Variants in ZNF473 observed in about 807,000 individuals in gnomAD.
The protein encoded by ZNF473 is zinc finger protein 100 homolog.
ZNF473 carries 4 observed loss-of-function variants against 11.1 expected under a neutral mutation model. The ratio of observed to expected loss-of-function variants is 0.36; its 90% confidence interval spans 0.18 to 0.82. The LOEUF (loss-of-function observed/expected upper bound fraction) is 0.82, where lower values mean the gene tolerates loss of function less well. Among genes scored for constraint, ZNF473 ranks in the 40% least tolerant of loss-of-function variants. ZNF473 has a pLI of 0.49. For synonymous variants in ZNF473, 404 were observed against 390.4 expected, an observed-to-expected ratio of 1.03 and a Z score of -0.41; for missense variants, 854 against 1,084.0, an observed-to-expected ratio of 0.79 and a Z score of 2.98.
rs745576637 is a variant in ZNF473 at position 50,039,264 on chromosome 19, A to C, written c.113A>C (p.Asn38Thr). ...GDTFWDTALDNCQDLFLLDPP... is the reference protein window; with the variant it reads ...GDTFWDTALDTCQDLFLLDPP... ...ACGTTCTGGGACACAGCGTTGGACAATTGCCAGGACCTCTTCCTGCTGGGT... is the reference window on the plus strand; with the variant it reads ...ACGTTCTGGGACACAGCGTTGGACACTTGCCAGGACCTCTTCCTGCTGGGT... The change falls in exon 3 of 5, where the codon AAT (asparagine) becomes ACT (threonine). Residue 38 changes from asparagine (N) to threonine (T), a missense_variant. Asn to Thr is a moderately conservative substitution (Grantham distance 65). Around this residue, in one of 2 missense-constraint regions of ZNF473, gnomAD observed 668 missense variants for 790.2 expected, o/e 0.85. Transcript: ENST00000270617. The surrounding 1 kb of genome is among the most constrained non-coding windows in gnomAD (Gnocchi z 4.8). 1.5e-5 allele frequency: 24 copies of C among 1,613,952 alleles called. No individual in the cohort carries two copies. The highest frequency in any genetic ancestry group is 1.9e-5 in the Non-Finnish European group (22 of 1,179,976).
Position 50,039,213 on chromosome 19 carries a change from A to G in ZNF473, c.62A>G (p.Glu21Gly). 1 of 1,614,144 alleles carries G rather than the reference A, an allele frequency of 6.2e-7. No homozygotes were observed. The highest frequency in any genetic ancestry group is 1.3e-5 in the African/African-American group (1 of 75,042). Reference protein sequence around the residue: ...VGMDFTLGDWEQLGLEQGDTF... With the variant: ...VGMDFTLGDWGQLGLEQGDTF... Reference sequence around the variant, plus strand: ...ATGGACTTCACCTTGGGAGACTGGGAGCAGCTCGGGCTGGAACAGGGGGAC... The same window carrying G: ...ATGGACTTCACCTTGGGAGACTGGGGGCAGCTCGGGCTGGAACAGGGGGAC... The change falls in exon 3 of 5, where the codon GAG becomes GGG. Residue 21 changes from glutamate to glycine, a missense_variant. Physicochemically the swap from Glu to Gly is moderately conservative, Grantham distance 98. This residue lies in a region of ZNF473 where 668 missense variants were observed against 790.2 expected (regional missense o/e 0.85). Transcript: ENST00000270617. This position sits in a 1 kb window ranked among gnomAD's most constrained non-coding sequence, Gnocchi z 4.8.
In ZNF473 at chr19:50,039,478, C is replaced by T. The variant is rs1188915169; in HGVS notation, c.136+191C>T. The stretch of plus-strand genomic sequence containing the variant: ...ACATTTTTGATTGTTACTCCTTGGG[C>T]CAGCGCAGCGTGCCGCTAGCATCTA... On this transcript the variant is annotated intron_variant, in intron 3 of 4. Transcript: ENST00000270617. This position sits in a 1 kb window ranked among gnomAD's most constrained non-coding sequence, Gnocchi z 4.8. Among the ~76,000 whole-genome samples the T allele has an allele frequency of 6.6e-6, 1 of 150,588 alleles. No individual in the cohort carries two copies. The highest frequency in any genetic ancestry group is 2.5e-5 in the African/African-American group (1 of 39,846).
At chr19:50,029,901 G>T (rs2122799456) in intron 1 of ZNF473, among the ~76,000 whole-genome samples, 1 of 152,016 alleles carries the variant, frequency 6.6e-6, no homozygotes, top group East Asian at 1.9e-4. Flanking sequence ...GCCCAGGCTG[G>T]AGTGCGGTGG....
rs541441318 is a variant in ZNF473 at position 50,048,363 on chromosome 19, A to G, written c.*1304A>G. ...GACACATACTTTGAATACCTTTCATATTTTAGGTGCTGAAAATGGTGAGGG... is the reference window on the plus strand; with the variant it reads ...GACACATACTTTGAATACCTTTCATGTTTTAGGTGCTGAAAATGGTGAGGG... On this transcript the variant is annotated 3_prime_UTR_variant, in exon 5 of 5. Coordinates refer to ENST00000270617, the MANE Select transcript of ZNF473 (RefSeq NM_015428.4). 2.0e-5 allele frequency: 3 copies of G among 152,320 alleles called. No individual in the cohort carries two copies. The South Asian group carries it at 6.2e-4, about 32-fold the overall frequency. 9.4% of individuals were successfully genotyped at this position (152,320 alleles called of 1,614,324 possible).
At position 50,045,917 on chromosome 19, in the gene ZNF473, T is replaced by C; in HGVS notation, c.1474T>C (p.Cys492Arg). The C allele has an allele frequency of 1.2e-6, 2 of 1,614,190 alleles. No homozygotes were observed. ...AGAAAAGCCCTATAGCTGTGCTGAATGCAAGGAGACTTTCAGCGATAACAA... is the reference window on the plus strand; with the variant it reads ...AGAAAAGCCCTATAGCTGTGCTGAACGCAAGGAGACTTTCAGCGATAACAA... ...TAEKPYSCAECKETFSDNNRL... is the reference protein window; with the variant it reads ...TAEKPYSCAERKETFSDNNRL... Residue 492 changes from cysteine (C) to arginine (R), a missense_variant, in exon 5 of 5, where the codon TGC becomes CGC. Physicochemically the swap from Cys to Arg is radical, Grantham distance 180. This residue lies in a region of ZNF473 where 668 missense variants were observed against 790.2 expected (regional missense o/e 0.85). Coordinates refer to ENST00000270617, the MANE Select transcript of ZNF473 (RefSeq NM_015428.4).
chr19:50,041,894 C>T, intron 4 of ZNF473, 75 bp downstream of exon 4: 2 of 1,223,338 alleles, frequency 1.6e-6, no homozygotes, highest in Non-Finnish European at 2.3e-6. Context: ...AGCCAGCTTT[C>T]CCACAGGTCT....
chr19:50,038,743 T>C (rs1294773600), intron 2 of ZNF473, among the ~76,000 whole-genome samples: 1 of 152,246 alleles, frequency 6.6e-6, no homozygotes, highest in Non-Finnish European at 1.5e-5. Flanking sequence ...AAGGAGTTAC[T>C]GTTCATACTG....
intron 1 of ZNF473, among the ~76,000 whole-genome samples, chr19:50,028,869 CAT>C (rs1009149849): frequency 1.3e-5 from 2 of 152,176 alleles, no homozygotes; most frequent in African/African-American, 4.8e-5. Flanking sequence ...TAACCTCTGA[CAT>C]GTAGAAAAAC....
chr19:50,028,752 T>G (rs1217056116), intron 1 of ZNF473, among the ~76,000 whole-genome samples: 1 of 152,180 alleles, frequency 6.6e-6, no homozygotes, highest in Non-Finnish European at 1.5e-5. Context: ...ATTTTCAAGT[T>G]TGAGACTAGT....
rs1979219162 is a variant in ZNF473, at chr19:50,047,698, T to C, written c.*639T>C. On this transcript the variant is annotated 3_prime_UTR_variant, in exon 5 of 5. Coordinates refer to ENST00000270617, the MANE Select transcript of ZNF473 (RefSeq NM_015428.4). Reference sequence around the variant, plus strand: ...AGAAAGCCAAAAAGAACATGTAAACTCTTCACCTCAACTAGCTACAACCTT... The same window carrying C: ...AGAAAGCCAAAAAGAACATGTAAACCCTTCACCTCAACTAGCTACAACCTT... 1 of 152,466 alleles carries C rather than the reference T, an allele frequency of 6.6e-6. No homozygotes were observed. The highest frequency in any genetic ancestry group is 1.5e-5 in the Non-Finnish European group (1 of 68,248). The allele number at this position is 152,466 out of a possible 1,614,324, so 9.4% of individuals were successfully genotyped here.
chr19:50,039,802 T>C lies in ZNF473; in HGVS notation c.136+515T>C, dbSNP rs954780635. ...TCCATACCTCCTCTCCTACTCATCT[T>C]GTCTGTCGCTCCCTCACGTTCTAAC... On this transcript the variant is annotated intron_variant, in intron 3 of 4. Transcript: ENST00000270617. The surrounding 1 kb of genome is among the most constrained non-coding windows in gnomAD (Gnocchi z 4.8). Among the ~76,000 whole-genome samples, 1 of 152,354 alleles carries C rather than the reference T, an allele frequency of 6.6e-6. No individual in the cohort carries two copies.
rs1235069888 is a variant in ZNF473, at chr19:50,045,789, A to G, written c.1346A>G (p.His449Arg). Residue 449 changes from histidine to arginine, a missense_variant, in exon 5 of 5, where the codon CAT becomes CGT. By Grantham distance (29) the His-to-Arg change is conservative. Around this residue, in one of 2 missense-constraint regions of ZNF473, gnomAD observed 668 missense variants for 790.2 expected, o/e 0.85. Transcript: ENST00000270617. ...AFHRHTHLNE[H>R]RRIHTGYRPH... ...CACCGGCACACTCACCTTAATGAACATCGGCGAATTCATACAGGCTACAGA... is the reference window on the plus strand; with the variant it reads ...CACCGGCACACTCACCTTAATGAACGTCGGCGAATTCATACAGGCTACAGA... 7 of 1,614,096 alleles carry G rather than the reference A, an allele frequency of 4.3e-6. No homozygotes were observed. Among genetic ancestry groups the G allele is most frequent in the Non-Finnish European group, 5.9e-6 (7 of 1,180,008 alleles).
chr19:50,030,484 C>T (rs2077311970), intron 1 of ZNF473, among the ~76,000 whole-genome samples: 1 of 152,196 alleles, frequency 6.6e-6, no homozygotes, highest in Admixed American at 6.5e-5. Flanking sequence ...GTACTCCAGC[C>T]TGGCAACAGA....
In ZNF473 at chr19:50,046,789, G is replaced by C. The variant is rs1350278815; in HGVS notation, c.2346G>C (p.Gly782=). Residue 782 remains glycine, a synonymous_variant, in exon 5 of 5, where the codon GGG becomes GGC. Transcript: ENST00000270617. The surrounding 1 kb of genome is among the most constrained non-coding windows in gnomAD (Gnocchi z 5.9). ...CTATTCACCGGAGAGTTCACACTGG[G>C]GAGAAGCCCTACAGATGTGGTGAAT... ...CLSIHRRVHT[G]EKPYRCGECG... 6.2e-7 allele frequency: 1 copy of C among 1,614,108 alleles called. No homozygotes were observed. Among genetic ancestry groups the C allele is most frequent in the Non-Finnish European group, 8.5e-7 (1 of 1,179,990 alleles).
At chr19:50,027,842 C>T (rs1298122264) in intron 1 of ZNF473, among the ~76,000 whole-genome samples, 1 of 152,088 alleles carries the variant, frequency 6.6e-6, no homozygotes, top group Non-Finnish European at 1.5e-5. Flanking sequence ...CGTGCACCAC[C>T]ATGCCTGGCT....
At chr19:50,037,749 A>G (rs1477960949) in intron 2 of ZNF473, among the ~76,000 whole-genome samples, 2 of 151,654 alleles carry the variant, frequency 1.3e-5, no homozygotes, top group Admixed American at 6.6e-5. Context: ...TGAGCCCAGG[A>G]GGTGGAGGCT....
intron 3 of ZNF473, chr19:50,040,987 A>G (rs948952058): frequency 7.2e-5 from 11 of 152,304 alleles, no homozygotes; most frequent in African/African-American, 2.6e-4. Context: ...TCCGTTTCCT[A>G]TTGCTGCTGT....
Position 50,046,585 on chromosome 19 carries a change from C to T in ZNF473, c.2142C>T (p.Ser714=). Residue 714 remains serine (S), a synonymous_variant, in exon 5 of 5, where the codon AGC becomes AGT. Transcript: ENST00000270617. The surrounding 1 kb of genome is among the most constrained non-coding windows in gnomAD (Gnocchi z 5.9). ...CNECGKTFRQ[S]SCLSKHQRIH... The stretch of plus-strand genomic sequence containing the variant: ...AATGCGGGAAAACGTTCCGTCAGAG[C>T]TCATGCCTTTCTAAGCATCAGAGAA... 1 of 1,614,264 alleles carries T rather than the reference C, an allele frequency of 6.2e-7. No homozygotes were observed. The highest frequency in any genetic ancestry group is 8.5e-7 in the Non-Finnish European group (1 of 1,180,054).
chr19:50,039,199 C>A lies in ZNF473; in HGVS notation c.48C>A (p.Thr16=). ...VTLKDVGMDF[T]LGDWEQLGLE... is the part of the protein sequence containing the mutation. ...TCAAGGATGTCGGCATGGACTTCAC[C>A]TTGGGAGACTGGGAGCAGCTCGGGC... Residue 16 remains threonine, a synonymous_variant, in exon 3 of 5, where the codon ACC becomes ACA. Coordinates refer to ENST00000270617, the MANE Select transcript of ZNF473 (RefSeq NM_015428.4). The surrounding 1 kb of genome is among the most constrained non-coding windows in gnomAD (Gnocchi z 4.8). 1 of 1,614,160 alleles carries A rather than the reference C, an allele frequency of 6.2e-7. No individual in the cohort carries two copies.
Sources: allele counts gnomAD v4.1 joint callset (sites outside exome capture counted in the v4.1 genomes callset), GRCh38; gene constraint gnomAD v4.1.1; regional missense constraint gnomAD v4.1.1; non-coding constraint Gnocchi (gnomAD v3.1); transcripts MANE v1.5; gene names NCBI Gene and HGNC (gene_info 2026-07-23, HGNC 2026-07-21).